Variants in GARRE1 observed in about 807,000 individuals in gnomAD.
The protein encoded by GARRE1 is granule associated Rac and RHOG effector 1.
In GARRE1, 49 loss-of-function variants were observed where a neutral mutation model predicts 103.2. That is an observed-to-expected ratio of 0.47 (90% CI 0.38 to 0.60). The LOEUF is 0.60. GARRE1 is among the 20% of genes least tolerant of loss of function. The pLI, the probability that GARRE1 is intolerant of heterozygous loss-of-function variation, is 0.00. For missense variants in GARRE1, 1,199 were observed against 1,370.5 expected, an observed-to-expected ratio of 0.87 and a Z score of 1.98; for synonymous variants, 505 against 532.8, an observed-to-expected ratio of 0.95 and a Z score of 0.72.
chr19:34,298,308 G>A (rs564851208), intron 1 of GARRE1, among the ~76,000 whole-genome samples: 9 of 152,012 alleles, frequency 5.9e-5, no homozygotes, highest in Non-Finnish European at 7.4e-5. Context: ...CAGCTGCTCC[G>A]GAGACTGAGG....
rs562481377 is a variant in GARRE1 at position 34,304,192 on chromosome 19, G to A, written c.495+3224G>A. On this transcript the variant is annotated intron_variant, in intron 2 of 13. Coordinates refer to ENST00000299505, the MANE Select transcript of GARRE1 (RefSeq NM_014686.5). ...TGCAACCTCTGCCTCCTGGGTTGAA[G>A]CAATTCTTATGTCTCAGCCTCCCAA... 2.1e-3 allele frequency among the ~76,000 whole-genome samples: 324 copies of A among 151,910 alleles called. 2 individuals are homozygous for A. Among genetic ancestry groups the A allele is most frequent in the Middle Eastern group, 6.8e-3 (2 of 292 alleles).
chr19:34,351,409 A>C, intron 12 of GARRE1, 105 bp from the exon 13 acceptor site: 1 of 895,488 alleles, frequency 1.1e-6, no homozygotes, highest in Admixed American at 1.8e-5. Flanking sequence ...CTCCCCTCCT[A>C]GAACCAGGGC....
At chr19:34,255,808 A>G (rs1021862350) in intron 1 of GARRE1, among the ~76,000 whole-genome samples, 6 of 151,530 alleles carry the variant, frequency 4.0e-5, no homozygotes, top group African/African-American at 1.2e-4. Context: ...TCTGATTGTT[A>G]TCTTAGAATA....
At chr19:34,333,613 A>G in intron 7 of GARRE1, 91 bp from the exon 8 acceptor site, 1 of 796,186 alleles carries the variant, frequency 1.3e-6, no homozygotes, top group Non-Finnish European at 2.1e-6. Flanking sequence ...TAGTTCTTAG[A>G]GAGTCATTTT....
chr19:34,340,895 C>T (rs531683922), intron 9 of GARRE1, among the ~76,000 whole-genome samples: 1 of 152,332 alleles, frequency 6.6e-6, no homozygotes, highest in South Asian at 2.1e-4. Flanking sequence ...ACAGCCTTCA[C>T]CTGCCTCAGC....
At position 34,292,828 on chromosome 19, in the gene GARRE1, C is replaced by T. The variant is rs533122202; in HGVS notation, c.-795-6851C>T. On this transcript the variant is annotated intron_variant, in intron 1 of 13. Transcript: ENST00000299505. ...CGGCTCACTGCAAGGCTCCGCCTTC[C>T]GGGTTCATGCCATTCTCCTGCCTCA... Among the ~76,000 whole-genome samples the T allele has an allele frequency of 5.9e-5, 9 of 152,104 alleles. No individual in the cohort carries two copies. In the South Asian group the frequency reaches 6.2e-4, roughly 11 times the overall value.
At chr19:34,293,887 T>C (rs987266773) in intron 1 of GARRE1, among the ~76,000 whole-genome samples, 1 of 149,014 alleles carries the variant, frequency 6.7e-6, no homozygotes, top group African/African-American at 2.5e-5. Flanking sequence ...GCCTCCCGAG[T>C]AGCTGGGATT....
chr19:34,309,765 T>C (rs561373546), intron 2 of GARRE1, among the ~76,000 whole-genome samples: 3 of 152,230 alleles, frequency 2.0e-5, no homozygotes, highest in Non-Finnish European at 4.4e-5. Flanking sequence ...AGACGTAATA[T>C]ATCAGAGTAC....
intron 1 of GARRE1, among the ~76,000 whole-genome samples, chr19:34,297,403 GA>G (rs144893108): frequency 0.019 from 2,878 of 152,298 alleles, 100 homozygotes; most frequent in African/African-American, 0.065. Context: ...TATGTAAAGT[GA>G]AAAAGAGTTT....
At chr19:34,285,853 C>G (rs2073882896) in intron 1 of GARRE1, among the ~76,000 whole-genome samples, 1 of 152,088 alleles carries the variant, frequency 6.6e-6, no homozygotes, top group African/African-American at 2.4e-5. Flanking sequence ...CAACAAAGAT[C>G]TGCACAGGAA....
chr19:34,261,314 T>A (rs539537674), intron 1 of GARRE1, among the ~76,000 whole-genome samples: 1 of 152,268 alleles, frequency 6.6e-6, no homozygotes, highest in African/African-American at 2.4e-5. Flanking sequence ...GCTCTGAGCG[T>A]GCTACCCGGC....
chr19:34,271,137 A>G (rs2073784584), intron 1 of GARRE1, among the ~76,000 whole-genome samples: 1 of 151,004 alleles, frequency 6.6e-6, no homozygotes. Flanking sequence ...GCCATTTGTT[A>G]GTTTCTATTT....
chr19:34,296,587 CCTT>C, intron 1 of GARRE1: 1 of 1,570,762 alleles, frequency 6.4e-7, no homozygotes, highest in African/African-American at 1.3e-5. Context: ...TTCTTGAGGC[CCTT>C]CTTGTGCTTC....
chr19:34,309,812 A>G (rs540732491), intron 2 of GARRE1, among the ~76,000 whole-genome samples: 2 of 152,232 alleles, frequency 1.3e-5, no homozygotes, highest in African/African-American at 4.8e-5. Context: ...GGCTTTTCGC[A>G]TGTGAAGTGG....
intron 12 of GARRE1, 101 bp from the exon 13 acceptor site, chr19:34,351,412 AC>A (rs2074236247): frequency 1.1e-6 from 1 of 916,932 alleles, no homozygotes; most frequent in South Asian, 1.4e-5. Flanking sequence ...CCCTCCTAGA[AC>A]CAGGGCCTGG....
chr19:34,333,782 G>A lies in GARRE1; in HGVS notation c.1342G>A (p.Val448Ile), dbSNP rs2074148479. ...CAGTTTAGAAGGCTCTAGAATCGTG[G>A]TTCAAGTCCCATCCACATGGTAACG... is the stretch of plus-strand genomic sequence containing the variant. Reference protein sequence around the residue: ...QISLEGSRIVVQVPSTWCLKE... With the variant: ...QISLEGSRIVIQVPSTWCLKE... Residue 448 changes from valine (V) to isoleucine (I), a missense_variant, in exon 8 of 14, where the codon GTT (valine) becomes ATT (isoleucine). Physicochemically the swap from Val to Ile is conservative, Grantham distance 29. Transcript: ENST00000299505. 2.5e-6 allele frequency: 4 copies of A among 1,605,798 alleles called. No individual in the cohort carries two copies. Among genetic ancestry groups the A allele is most frequent in the Admixed American group, 1.7e-5 (1 of 59,884 alleles).
chr19:34,299,657 A>G (rs2073966315), intron 1 of GARRE1, 22 bp from the exon 2 acceptor site: 1 of 152,136 alleles, frequency 6.6e-6, no homozygotes, highest in Admixed American at 6.6e-5. Flanking sequence ...TCCTCACTTT[A>G]TCTTATTTTT....
chr19:34,262,287 CTTTTTTTT>C (rs1018456778), intron 1 of GARRE1, among the ~76,000 whole-genome samples: 11 of 35,760 alleles, frequency 3.1e-4, no homozygotes, highest in Middle Eastern at 0.045. Context: ...CCAGCTGCTG[CTTTTTTTT>C]TTTTTTTTTT....
At position 34,341,981 on chromosome 19, in the gene GARRE1, A is replaced by C. The variant is rs528741676; in HGVS notation, c.2047A>C (p.Lys683Gln). Residue 683 changes from lysine (K) to glutamine (Q), a missense_variant, in exon 10 of 14, where the codon AAG (lysine) becomes CAG (glutamine). Physicochemically the swap from Lys to Gln is moderately conservative, Grantham distance 53 (BLOSUM62 1). Transcript: ENST00000299505. ...TGCCACAGCCATGGTGACTGAGCAGAAGGCAGGAGCCATGCAACCACAGCA... is the reference window on the plus strand; with the variant it reads ...TGCCACAGCCATGGTGACTGAGCAGCAGGCAGGAGCCATGCAACCACAGCA... ...SAATAMVTEQ[K>Q]AGAMQPQQPS... 8 of 1,614,082 alleles carry C rather than the reference A, an allele frequency of 5.0e-6. No individual in the cohort carries two copies. Among genetic ancestry groups the C allele is most frequent in the Non-Finnish European group, 5.9e-6 (7 of 1,180,044 alleles).
Sources: allele counts gnomAD v4.1 joint callset (sites outside exome capture counted in the v4.1 genomes callset), GRCh38; gene constraint gnomAD v4.1.1; transcripts MANE v1.5; gene names NCBI Gene and HGNC (gene_info 2026-07-23, HGNC 2026-07-21).